The following PABPC4L variants were observed in gnomAD, a reference collection of about 807,000 sequenced individuals.
PABPC4L encodes poly(A) binding protein cytoplasmic 4 like, also known as polyadenylate-binding protein 4-like.
For missense variants in PABPC4L, 452 were observed against 451.4 expected (o/e 1.00, Z -0.01); for synonymous variants, 169 against 164.1 (o/e 1.03, Z -0.23).
At chr4:133,958,120 C>T in the PABPC4L span, among the ~76,000 whole-genome samples, 1 of 152,192 alleles carries the variant, frequency 6.6e-6, no homozygotes, top group Non-Finnish European at 1.5e-5. Context: ...TTTTCTATTG[C>T]ATCAACAGGC....
chr4:134,188,618 T>C, the PABPC4L span, among the ~76,000 whole-genome samples: 2 of 152,110 alleles, frequency 1.3e-5, no homozygotes, highest in African/African-American at 4.8e-5. Context: ...TTTGTTTTGT[T>C]TTCTCTCAAC....
the PABPC4L span, among the ~76,000 whole-genome samples, chr4:134,098,963 T>C: frequency 6.6e-6 from 1 of 151,580 alleles, no homozygotes; most frequent in Non-Finnish European, 1.5e-5. Context: ...GCCAAGAATA[T>C]TGACTTATTT....
chr4:133,986,692 T>G, the PABPC4L span, among the ~76,000 whole-genome samples: 1 of 151,682 alleles, frequency 6.6e-6, no homozygotes, highest in African/African-American at 2.4e-5. Flanking sequence ...CTATTAGATG[T>G]GCCTTCATAA....
At chr4:134,087,590 C>T in the PABPC4L span, among the ~76,000 whole-genome samples, 1 of 152,150 alleles carries the variant, frequency 6.6e-6, no homozygotes, top group Non-Finnish European at 1.5e-5. Flanking sequence ...GAGTCACAGA[C>T]AAGGACTCAA....
At chr4:133,967,180 G>A in the PABPC4L span, among the ~76,000 whole-genome samples, 1 of 152,014 alleles carries the variant, frequency 6.6e-6, no homozygotes, top group East Asian at 1.9e-4. Flanking sequence ...AAATTTAAAA[G>A]TGTTGAGAGG....
chr4:134,117,881 T>C, the PABPC4L span, among the ~76,000 whole-genome samples: 1 of 151,792 alleles, frequency 6.6e-6, no homozygotes, highest in Admixed American at 6.6e-5. Flanking sequence ...ATACATTTTC[T>C]GGGGTTGGGT....
the PABPC4L span, among the ~76,000 whole-genome samples, chr4:134,043,675 A>G: frequency 6.8e-6 from 1 of 146,080 alleles, no homozygotes; most frequent in Non-Finnish European, 1.5e-5. Flanking sequence ...ACTTTTTTAA[A>G]AGAAAAAACA....
At chr4:134,192,495 G>C (rs146306523), downstream of PABPC4L, among the ~76,000 whole-genome samples, 640 of 152,024 alleles carry the variant, frequency 4.2e-3, 8 homozygotes, top group African/African-American at 0.015. Context: ...TTAAAAACCA[G>C]TAAATTTATA....
chr4:134,094,568 T>G, the PABPC4L span, among the ~76,000 whole-genome samples: 2 of 151,908 alleles, frequency 1.3e-5, no homozygotes, highest in African/African-American at 4.8e-5. Flanking sequence ...TATAGAAACA[T>G]TTCATATAGT....
chr4:134,001,204 T>TTTTTTTTTTTTTTTTTTTGAGACGG, the PABPC4L span, among the ~76,000 whole-genome samples: 1 of 150,280 alleles, frequency 6.7e-6, no homozygotes, highest in African/African-American at 2.4e-5. Flanking sequence ...CAAACATTTT[T>TTTTTTTTTTTTTTTTTTTGAGACGG]ACAAGCTGAA....
the PABPC4L span, among the ~76,000 whole-genome samples, chr4:134,121,880 A>G: frequency 6.6e-6 from 1 of 151,860 alleles, no homozygotes; most frequent in Non-Finnish European, 1.5e-5. Flanking sequence ...GGATCAAAGC[A>G]CTGTGTAGCA....
At position 134,200,788 on chromosome 4, in the gene PABPC4L, C is replaced by T. The variant is rs1262732157; in HGVS notation, c.232G>A (p.Gly78Ser). Reference protein sequence around the residue: ...LDTMNFDIIKGKSIRLMWSQR... With the variant: ...LDTMNFDIIKSKSIRLMWSQR... ...GACCACATGAGACGGATGGATTTGC[C>T]TTTTATGATGTCAAAGTTCATTGTG... The change falls in exon 2 of 2, where the codon GGC (glycine) becomes AGC (serine). Residue 78 changes from glycine to serine, a missense_variant. Physicochemically the swap from Gly to Ser is moderately conservative, Grantham distance 56. Transcript: ENST00000421491. 1.3e-6 allele frequency: 2 copies of T among 1,551,796 alleles called. No homozygotes were observed. Among genetic ancestry groups the T allele is most frequent in the East Asian group, 2.4e-5 (1 of 40,928 alleles).
chr4:133,962,948 A>G, the PABPC4L span, among the ~76,000 whole-genome samples: 1 of 152,154 alleles, frequency 6.6e-6, no homozygotes, highest in Non-Finnish European at 1.5e-5. Flanking sequence ...ACCAAGATAT[A>G]CAGGCAACAA....
At chr4:134,168,022 A>G in the PABPC4L span, among the ~76,000 whole-genome samples, 8 of 152,056 alleles carry the variant, frequency 5.3e-5, 1 homozygote, top group Non-Finnish European at 1.2e-4. Context: ...ATTCTCAAAG[A>G]TAGTATATGT....
the PABPC4L span, among the ~76,000 whole-genome samples, chr4:134,002,750 TG>T: frequency 1.3e-5 from 2 of 152,024 alleles, no homozygotes; most frequent in Non-Finnish European, 1.5e-5. Context: ...GAATTATTAG[TG>T]CAATTACACA....
At chr4:134,046,616 T>C in the PABPC4L span, among the ~76,000 whole-genome samples, 2 of 152,138 alleles carry the variant, frequency 1.3e-5, no homozygotes, top group Non-Finnish European at 2.9e-5. Context: ...CATGAGGCCA[T>C]ATCTCAGGCT....
At chr4:134,156,048 A>G in the PABPC4L span, among the ~76,000 whole-genome samples, 1 of 151,964 alleles carries the variant, frequency 6.6e-6, no homozygotes, top group African/African-American at 2.4e-5. Context: ...ATTGGAACTT[A>G]AGTAACATTT....
At chr4:134,059,822 C>T in the PABPC4L span, among the ~76,000 whole-genome samples, 1 of 152,048 alleles carries the variant, frequency 6.6e-6, no homozygotes, top group African/African-American at 2.4e-5. Context: ...CGAATCATCT[C>T]CCCGACAGGA....
At chr4:133,953,642 T>C in the PABPC4L span, among the ~76,000 whole-genome samples, 1 of 152,148 alleles carries the variant, frequency 6.6e-6, no homozygotes, top group Non-Finnish European at 1.5e-5. Context: ...GACTCTTGAA[T>C]CCTCCTAATT....
Sources: allele counts gnomAD v4.1 joint callset (sites outside exome capture counted in the v4.1 genomes callset), GRCh38; gene constraint gnomAD v4.1.1; transcripts MANE v1.5; gene names NCBI Gene and HGNC (gene_info 2026-07-23, HGNC 2026-07-21).